The following RTN3 variants were observed in gnomAD, a reference collection of about 807,000 sequenced individuals.
RTN3 encodes reticulon-3.
Under a neutral mutation model 77.8 loss-of-function variants are expected in RTN3, and 49 were observed. The ratio of observed to expected loss-of-function variants is 0.63; its 90% confidence interval spans 0.50 to 0.80. RTN3 has a LOEUF of 0.80. RTN3 is among the 30% of genes least tolerant of loss of function. The pLI is 0.00. For missense variants in RTN3, 1,236 were observed against 1,211.9 expected, an observed-to-expected ratio of 1.02 and a Z score of -0.29; for synonymous variants, 464 against 446.9, an observed-to-expected ratio of 1.04 and a Z score of -0.48.
intron 2 of RTN3, among the ~76,000 whole-genome samples, chr11:63,711,118 A>G (rs2011149899): frequency 6.6e-6 from 1 of 151,990 alleles, no homozygotes; most frequent in Non-Finnish European, 1.5e-5. Flanking sequence ...CATCTCCGCT[A>G]AAAATACAAA....
At chr11:63,688,034 G>A (rs1941460911) in intron 1 of RTN3, among the ~76,000 whole-genome samples, 1 of 152,120 alleles carries the variant, frequency 6.6e-6, no homozygotes, top group Non-Finnish European at 1.5e-5. Flanking sequence ...AGAAGGCTTG[G>A]CATGAATCAA....
chr11:63,705,334 C>A (rs1942445390), intron 2 of RTN3, among the ~76,000 whole-genome samples: 1 of 152,038 alleles, frequency 6.6e-6, no homozygotes, highest in Admixed American at 6.6e-5. Context: ...CAGAAAATAT[C>A]CGGGCATAGG....
intron 1 of RTN3, among the ~76,000 whole-genome samples, chr11:63,686,258 C>G (rs908356197): frequency 1.3e-5 from 2 of 151,956 alleles, no homozygotes; most frequent in Admixed American, 6.6e-5. Flanking sequence ...ATCACGAGGT[C>G]AGGAGATCGA....
At chr11:63,757,629 G>A (rs536722120) in intron 8 of RTN3, among the ~76,000 whole-genome samples, 1 of 152,230 alleles carries the variant, frequency 6.6e-6, no homozygotes. Context: ...AAAGTGCTGA[G>A]ATTACAGGCA....
intron 1 of RTN3, among the ~76,000 whole-genome samples, chr11:63,682,593 G>A (rs1229665527): frequency 6.7e-6 from 1 of 150,320 alleles, no homozygotes; most frequent in Admixed American, 6.7e-5. Context: ...TTGATTTCAT[G>A]TTTTCTGTGG....
intron 2 of RTN3, among the ~76,000 whole-genome samples, chr11:63,713,019 C>A (rs568703783): frequency 3.3e-5 from 5 of 152,210 alleles, no homozygotes; most frequent in African/African-American, 1.2e-4. Context: ...CGCTTGAACC[C>A]AGGAGGCAGA....
At chr11:63,715,959 A>G (rs950552555) in intron 2 of RTN3, among the ~76,000 whole-genome samples, 2 of 152,236 alleles carry the variant, frequency 1.3e-5, no homozygotes, top group African/African-American at 2.4e-5. Context: ...TAATCTAGTC[A>G]TGCTGAATAT....
rs1195338837 is a variant in RTN3, at chr11:63,753,099, G to C, written c.2908G>C (p.Val970Leu). Residue 970 changes from valine (V) to leucine (L), a missense_variant, in exon 6 of 9, where the codon GTT (valine) becomes CTT (leucine). By Grantham distance (32) the Val-to-Leu change is conservative (BLOSUM62 1). Coordinates refer to ENST00000377819, the MANE Select transcript of RTN3 (RefSeq NM_001265589.2). ...TGTCTTCATGTGGCTGATGACCTAT[G>C]TTGGTGCTGTTTTTAACGGAATCAC... ...LAVFMWLMTY[V>L]GAVFNGITLL... is the part of the protein sequence containing the mutation. 1 of 1,614,186 alleles carries C rather than the reference G, an allele frequency of 6.2e-7. No individual in the cohort carries two copies. Among genetic ancestry groups the C allele is most frequent in the Admixed American group, 1.7e-5 (1 of 60,014 alleles).
At position 63,681,710 on chromosome 11, in the gene RTN3, C is replaced by CCGG. The variant is rs762364514; in HGVS notation, c.84_86dup (p.Gly29dup). On this transcript the variant is annotated inframe_insertion, in exon 1 of 9. Coordinates refer to ENST00000377819, the MANE Select transcript of RTN3 (RefSeq NM_001265589.2). Reference sequence around the variant, plus strand: ...TCCTTCGGAGCCGAGCCGTCCGCGCCCGGCGGCGGCGGGAGCCCAGGAGCC... The same window carrying CCGG: ...TCCTTCGGAGCCGAGCCGTCCGCGCCCGGCGGCGGCGGCGGGAGCCCAGGAGCC... 5.6e-6 allele frequency: 9 copies of CCGG among 1,610,244 alleles called. No homozygotes were observed. In the African/African-American group the frequency reaches 9.4e-5, roughly 17 times the overall value.
At position 63,704,855 on chromosome 11, in the gene RTN3, C is replaced by G; in HGVS notation, c.147C>G (p.Ser49=). 1 of 1,609,502 alleles carries G rather than the reference C, an allele frequency of 6.2e-7. No individual in the cohort carries two copies. Among genetic ancestry groups the G allele is most frequent in the African/African-American group, 1.3e-5 (1 of 74,908 alleles). Residue 49 remains serine (S), a synonymous_variant, in exon 2 of 9, where the codon TCC becomes TCG. Coordinates refer to ENST00000377819, the MANE Select transcript of RTN3 (RefSeq NM_001265589.2). The part of the protein sequence containing the change: ...TKSCSSSCAD[S]FVSSSSSQPV... ...ATGCTGTATATTTTCTTTCAGATTC[C>G]TTTGTTTCTTCCTCTTCCTCTCAGC...
intron 1 of RTN3, among the ~76,000 whole-genome samples, chr11:63,699,623 G>A (rs1305210381): frequency 1.3e-5 from 2 of 152,168 alleles, no homozygotes; most frequent in East Asian, 3.9e-4. Flanking sequence ...ATATAATCCA[G>A]ATTACATGGC....
chr11:63,684,844 C>G (rs976375489), intron 1 of RTN3, among the ~76,000 whole-genome samples: 2 of 152,168 alleles, frequency 1.3e-5, no homozygotes, highest in Non-Finnish European at 2.9e-5. Flanking sequence ...ACTGCAACCT[C>G]TGTCTCCTGG....
intron 1 of RTN3, among the ~76,000 whole-genome samples, chr11:63,703,969 G>A (rs1942372223): frequency 6.6e-6 from 1 of 151,976 alleles, no homozygotes; most frequent in African/African-American, 2.4e-5. Context: ...GATACATGTT[G>A]CTGAATTAGA....
At chr11:63,689,006 TTAAG>T (rs897506487) in intron 1 of RTN3, among the ~76,000 whole-genome samples, 23 of 152,294 alleles carry the variant, frequency 1.5e-4, no homozygotes, top group Middle Eastern at 3.4e-3. Flanking sequence ...AAAGGCTTCA[TTAAG>T]TAAGTAGGTT....
chr11:63,712,830 T>C (rs2011200842), intron 2 of RTN3, among the ~76,000 whole-genome samples: 1 of 152,158 alleles, frequency 6.6e-6, no homozygotes, highest in African/African-American at 2.4e-5. Context: ...GCGCAATGGC[T>C]CACACTTGTA....
chr11:63,704,344 C>T (rs1468954675), intron 1 of RTN3, among the ~76,000 whole-genome samples: 1 of 152,078 alleles, frequency 6.6e-6, no homozygotes, highest in Non-Finnish European at 1.5e-5. Flanking sequence ...TCATGTAGTC[C>T]TGTCTTCCCC....
chr11:63,753,245 G>GT, intron 6 of RTN3, 107 bp downstream of exon 6: 1 of 1,037,792 alleles, frequency 9.6e-7, no homozygotes, highest in Non-Finnish European at 1.4e-6. Context: ...GCCCAGTCTT[G>GT]ACCCATAGAG....
At chr11:63,736,645 A>G (rs1337458687) in intron 3 of RTN3, among the ~76,000 whole-genome samples, 3 of 152,140 alleles carry the variant, frequency 2.0e-5, no homozygotes, top group Non-Finnish European at 1.5e-5. Flanking sequence ...CCAAGATTGC[A>G]CCACTGCACT....
chr11:63,734,781 A>ACACACCCCCCC (rs778043704), intron 3 of RTN3, among the ~76,000 whole-genome samples: 5 of 105,000 alleles, frequency 4.8e-5, no homozygotes, highest in African/African-American at 1.9e-4. Flanking sequence ...ACACACACAC[A>ACACACCCCCCC]CCATACTGGA....
Sources: gnomAD v4.1 joint callset for allele counts (sites outside exome capture counted in the v4.1 genomes callset) on GRCh38, gnomAD v4.1.1 for gene constraint, MANE v1.5 for transcripts, NCBI Gene and HGNC (gene_info 2026-07-23, HGNC 2026-07-21) for gene names.